SULF1: variants seen among roughly 807,000 people sequenced by gnomAD.
SULF1 encodes the protein sulfatase 1, also known as extracellular sulfatase Sulf-1.
SULF1 carries 46 observed loss-of-function variants against 110.5 expected under a neutral mutation model. That is an observed-to-expected ratio of 0.42 (90% CI 0.33 to 0.53). SULF1 has a LOEUF of 0.53. Among genes scored for constraint, SULF1 ranks in the 20% least tolerant of loss-of-function variants. The pLI is 0.12. For synonymous variants in SULF1, 371 were observed against 387.1 expected, an observed-to-expected ratio of 0.96 and a Z score of 0.49; for missense variants, 941 against 1,094.2, an observed-to-expected ratio of 0.86 and a Z score of 1.98.
intron 5 of SULF1, among the ~76,000 whole-genome samples, chr8:69,570,203 C>T (rs146797914): frequency 1.3e-5 from 2 of 152,294 alleles, no homozygotes; most frequent in African/African-American, 4.8e-5. Context: ...ATCTTCAAAC[C>T]ATGAATGCTC....
At chr8:69,620,517 G>A (rs1809514874) in intron 13 of SULF1, among the ~76,000 whole-genome samples, 1 of 152,220 alleles carries the variant, frequency 6.6e-6, no homozygotes, top group Admixed American at 6.5e-5. Flanking sequence ...GTTTGCTAAT[G>A]TCTGGGGTAT....
chr8:69,653,858 C>T (rs1186126485), intron 22 of SULF1, among the ~76,000 whole-genome samples: 2 of 152,286 alleles, frequency 1.3e-5, no homozygotes, highest in Admixed American at 6.5e-5. Flanking sequence ...TGGGGGTAGA[C>T]CAAATACATT....
At chr8:69,605,820 AT>A (rs961562663) in intron 13 of SULF1, among the ~76,000 whole-genome samples, 38 of 152,322 alleles carry the variant, frequency 2.5e-4, no homozygotes, top group African/African-American at 8.7e-4. Context: ...ATTTTGTAGC[AT>A]TTACTCAATT....
intron 3 of SULF1, among the ~76,000 whole-genome samples, chr8:69,554,919 C>A (rs1402811893): frequency 8.2e-6 from 1 of 122,662 alleles, no homozygotes; most frequent in African/African-American, 3.2e-5. Flanking sequence ...GCGGAGCTTG[C>A]GGTAAGCCGA....
intron 5 of SULF1, among the ~76,000 whole-genome samples, chr8:69,570,464 A>G (rs932173160): frequency 2.0e-5 from 3 of 152,238 alleles, no homozygotes; most frequent in Non-Finnish European, 4.4e-5. Context: ...CAATGAAGTA[A>G]TTCAGGATCT....
intron 6 of SULF1, 44 bp from the exon 7 acceptor site, chr8:69,586,313 T>G: frequency 6.6e-7 from 1 of 1,519,248 alleles, no homozygotes; most frequent in Non-Finnish European, 8.8e-7. Context: ...TATTTATGAT[T>G]AATCATTTTA....
At chr8:69,500,018 C>G (rs1222159470) in intron 2 of SULF1, among the ~76,000 whole-genome samples, 1 of 152,154 alleles carries the variant, frequency 6.6e-6, no homozygotes, top group East Asian at 1.9e-4. Context: ...TCCCAAAGTG[C>G]TGGGATTATA....
intron 3 of SULF1, among the ~76,000 whole-genome samples, chr8:69,529,769 T>TCCTCA (rs1284548239): frequency 3.3e-5 from 5 of 152,174 alleles, no homozygotes; most frequent in Non-Finnish European, 7.4e-5. Context: ...TGCTTGAGTG[T>TCCTCA]CCTCACCACA....
chr8:69,613,686 G>A (rs934103771), intron 13 of SULF1, among the ~76,000 whole-genome samples: 2 of 152,088 alleles, frequency 1.3e-5, no homozygotes, highest in African/African-American at 4.8e-5. Context: ...GTGACTCAAA[G>A]CTTCTGTCTC....
chr8:69,548,827 T>G (rs1814483436), intron 3 of SULF1, among the ~76,000 whole-genome samples: 1 of 152,078 alleles, frequency 6.6e-6, no homozygotes, highest in Non-Finnish European at 1.5e-5. Flanking sequence ...TGACATCATC[T>G]GCAGTACTCT....
intron 3 of SULF1, among the ~76,000 whole-genome samples, chr8:69,540,109 A>T (rs1009465252): frequency 2.0e-5 from 3 of 152,244 alleles, no homozygotes; most frequent in African/African-American, 7.2e-5. Context: ...TGATGATAAA[A>T]TCAGCAGGAT....
intron 3 of SULF1, among the ~76,000 whole-genome samples, chr8:69,510,726 C>A (rs1485080788): frequency 6.6e-6 from 1 of 151,638 alleles, no homozygotes; most frequent in Admixed American, 6.6e-5. Context: ...AAGTGATTCT[C>A]CTGCCTCAGC....
chr8:69,532,263 A>C (rs17645218), intron 3 of SULF1, among the ~76,000 whole-genome samples: 6,559 of 152,328 alleles, frequency 0.043, 212 homozygotes, highest in Middle Eastern at 0.068. Context: ...TAAGGAAACA[A>C]GTCATTCTAT....
intron 1 of SULF1, among the ~76,000 whole-genome samples, chr8:69,478,747 T>G (rs1441085723): frequency 6.6e-6 from 1 of 152,174 alleles, no homozygotes. Context: ...TTATTCTTAT[T>G]CTCATCATTT....
At chr8:69,520,460 C>G (rs772627607) in intron 3 of SULF1, among the ~76,000 whole-genome samples, 1 of 152,046 alleles carries the variant, frequency 6.6e-6, no homozygotes, top group Non-Finnish European at 1.5e-5. Flanking sequence ...ATTTGATCTC[C>G]ACATGAGAGT....
At chr8:69,548,788 C>CCAAAACAAAA (rs372214784) in intron 3 of SULF1, among the ~76,000 whole-genome samples, 13 of 151,658 alleles carry the variant, frequency 8.6e-5, no homozygotes, top group African/African-American at 3.2e-4. Context: ...GGACCCAGAG[C>CCAAAACAAAA]CAAAACAAAA....
intron 8 of SULF1, among the ~76,000 whole-genome samples, chr8:69,591,727 G>C (rs995946711): frequency 2.0e-5 from 3 of 152,166 alleles, no homozygotes; most frequent in Non-Finnish European, 4.4e-5. Context: ...TTTAAGGACA[G>C]ATAAACTAAG....
rs1320709305 is a variant in SULF1 at position 69,531,745 on chromosome 8, T to G, written c.-134+29777T>G. Among the ~76,000 whole-genome samples, 3 of 152,332 alleles carry G rather than the reference T, an allele frequency of 2.0e-5. No individual in the cohort carries two copies. In the East Asian group the frequency reaches 5.8e-4, roughly 29 times the overall value. On this transcript the variant is annotated intron_variant, in intron 3 of 22. Coordinates refer to ENST00000402687, the MANE Select transcript of SULF1 (RefSeq NM_001128205.2). ...TATTTTTTTATTCTGGAAATGTTTT[T>G]TAAATGTAAGCACATTATAATCGAT...
intron 3 of SULF1, among the ~76,000 whole-genome samples, chr8:69,522,722 G>T (rs977961527): frequency 1.8e-4 from 27 of 152,156 alleles, no homozygotes; most frequent in Non-Finnish European, 5.9e-5. Context: ...GGAGTTTTGG[G>T]TGCCTTGGAA....
Sources: gnomAD v4.1 joint callset for allele counts (sites outside exome capture counted in the v4.1 genomes callset) on GRCh38, gnomAD v4.1.1 for gene constraint, MANE v1.5 for transcripts, NCBI Gene and HGNC (gene_info 2026-07-23, HGNC 2026-07-21) for gene names.